The following IQSEC1 variants were observed in gnomAD, a reference collection of about 807,000 sequenced individuals.
The protein encoded by IQSEC1 is IQ motif and SEC7 domain-containing protein 1.
IQSEC1 carries 31 observed loss-of-function variants against 91.0 expected under a neutral mutation model. The ratio of observed to expected loss-of-function variants is 0.34; its 90% CI spans 0.26 to 0.46. The LOEUF (loss-of-function observed/expected upper bound fraction) is 0.46. Among genes scored for constraint, IQSEC1 ranks in the 20% least tolerant of loss-of-function variants. IQSEC1 has a pLI of 1.00. For synonymous variants in IQSEC1, 699 were observed against 662.6 expected (o/e 1.05, Z -0.84); for missense variants, 1,388 against 1,575.6 (o/e 0.88, Z 2.02).
intron 2 of IQSEC1, among the ~76,000 whole-genome samples, chr3:13,106,909 C>T (rs1490802576): frequency 6.6e-6 from 1 of 152,246 alleles, no homozygotes; most frequent in Non-Finnish European, 1.5e-5. Flanking sequence ...AGAGACACCA[C>T]ATGCCAGCTC....
At chr3:13,171,978 C>T (rs144899363) in intron 1 of IQSEC1, among the ~76,000 whole-genome samples, 1 of 152,266 alleles carries the variant, frequency 6.6e-6, no homozygotes, top group East Asian at 1.9e-4. Flanking sequence ...CAAAACACAT[C>T]CACACTCCCC....
chr3:12,987,216 TG>T (rs1408608234), intron 1 of IQSEC1, among the ~76,000 whole-genome samples: 1 of 152,246 alleles, frequency 6.6e-6, no homozygotes, highest in East Asian at 1.9e-4. Flanking sequence ...CTGGTCCTGC[TG>T]GGGGCGGGGA....
At chr3:13,276,880 T>C (rs774244866) in intron 1 of IQSEC1, among the ~76,000 whole-genome samples, 2 of 151,934 alleles carry the variant, frequency 1.3e-5, no homozygotes, top group Non-Finnish European at 2.9e-5. Flanking sequence ...CTGCCCTGGG[T>C]GGGGGCAGCA....
intron 2 of IQSEC1, among the ~76,000 whole-genome samples, chr3:13,109,002 G>A (rs563492937): frequency 1.3e-5 from 2 of 152,322 alleles, no homozygotes; most frequent in East Asian, 1.9e-4. Flanking sequence ...TGGTCAATGC[G>A]TCCTGGGGCC....
At chr3:13,061,363 C>A (rs1295446279) in intron 1 of IQSEC1, among the ~76,000 whole-genome samples, 1 of 152,180 alleles carries the variant, frequency 6.6e-6, no homozygotes, top group African/African-American at 2.4e-5. Context: ...ATGTAACATA[C>A]AATGCCCTAG....
chr3:13,037,084 C>G (rs1343615987), intron 1 of IQSEC1, among the ~76,000 whole-genome samples: 1 of 152,164 alleles, frequency 6.6e-6, no homozygotes, highest in Non-Finnish European at 1.5e-5. Context: ...TGCCCCCACA[C>G]CATTTACATG....
chr3:13,094,760 C>G lies in IQSEC1; in HGVS notation c.303-47238G>C, dbSNP rs566373861. On this transcript the variant is annotated intron_variant, in intron 2 of 15. Coordinates refer to the IQSEC1 transcript ENST00000648114. ...GACAGGCTCCAGCAGCCACGAGCTCCGGGATCTTCTCCCACTGAGCACGGT... is the reference window on the plus strand; with the variant it reads ...GACAGGCTCCAGCAGCCACGAGCTCGGGGATCTTCTCCCACTGAGCACGGT... Among the ~76,000 whole-genome samples, 3 of 152,310 alleles carry G rather than the reference C, an allele frequency of 2.0e-5. No homozygotes were observed. In the East Asian group the frequency reaches 5.8e-4, roughly 29 times the overall value.
At chr3:12,903,981 G>A (rs1221110060) in intron 12 of IQSEC1, among the ~76,000 whole-genome samples, 1 of 151,794 alleles carries the variant, frequency 6.6e-6, no homozygotes, top group Non-Finnish European at 1.5e-5. Context: ...ACTTGGCCAT[G>A]CTGCCTTCAG....
Position 12,915,131 on chromosome 3 carries a change from G to A in IQSEC1, c.2163C>T (p.Ile721=), listed in dbSNP as rs1382643965. The change falls in exon 8 of 14, where the codon ATC becomes ATT. Residue 721 remains isoleucine, a splice_region_variant and synonymous_variant. Transcript: ENST00000613206. ...AGCCGAGCCCGGGATGCAGGGATCC[G>A]ATCTGCGGGAGAATGTGAAACCAAC... ...VEKLIVGKKP[I]GSLHPGLGCV... The A allele has an allele frequency of 3.1e-6, 5 of 1,608,998 alleles. No individual in the cohort carries two copies. Among genetic ancestry groups the A allele is most frequent in the South Asian group, 1.1e-5 (1 of 90,250 alleles).
intron 2 of IQSEC1, among the ~76,000 whole-genome samples, chr3:13,120,002 CTCT>C (rs1706398078): frequency 1.3e-5 from 2 of 152,208 alleles, no homozygotes; most frequent in Non-Finnish European, 2.9e-5. Context: ...CCAGAGAGAG[CTCT>C]CTGCTCGCCT....
rs536704440 is a variant in IQSEC1 at position 13,053,145 on chromosome 3, A to G, written c.23+19847T>C. ...CATGGCGAGAAGCGGACTCAAGCAC[A>G]CACCACGATGATGGAGAAAGGAAGA... On this transcript the variant is annotated intron_variant, in intron 1 of 13. Coordinates refer to ENST00000613206, the MANE Select transcript of IQSEC1 (RefSeq NM_001134382.3). 33 of 777,140 alleles carry G rather than the reference A, an allele frequency of 4.2e-5. 2 individuals carry two copies. In the South Asian group the frequency reaches 4.4e-4, roughly 10 times the overall value. The allele number at this position is 777,140 out of a possible 1,614,324, so 48.1% of individuals were successfully genotyped here. A position where few individuals can be genotyped will look rare whatever the true frequency, so the allele number is the denominator to read the frequency against.
intron 2 of IQSEC1, among the ~76,000 whole-genome samples, chr3:13,112,588 C>T (rs185422487): frequency 7.6e-6 from 1 of 130,988 alleles, no homozygotes; most frequent in Non-Finnish European, 1.5e-5. Flanking sequence ...TGCGTGCTGG[C>T]CCCCAGGCAC....
chr3:12,941,896 G>T (rs1436207898), intron 1 of IQSEC1, 31 bp from the exon 2 acceptor site: 1 of 1,541,338 alleles, frequency 6.5e-7, no homozygotes, highest in South Asian at 1.2e-5. Flanking sequence ...AGAAGCTTCT[G>T]GTAAGCGGGA....
intron 2 of IQSEC1, among the ~76,000 whole-genome samples, chr3:13,093,995 C>T (rs1231312623): frequency 6.6e-6 from 1 of 152,218 alleles, no homozygotes; most frequent in Non-Finnish European, 1.5e-5. Context: ...AAAGAGACCT[C>T]TTCCGGCTGG....
intron 1 of IQSEC1, among the ~76,000 whole-genome samples, chr3:13,262,372 C>A (rs750110077): frequency 1.3e-5 from 2 of 152,196 alleles, no homozygotes; most frequent in Non-Finnish European, 2.9e-5. Context: ...AGGGTAGGAG[C>A]CAGCACACTG....
chr3:13,130,173 G>A (rs189875693), intron 2 of IQSEC1, among the ~76,000 whole-genome samples: 5 of 150,460 alleles, frequency 3.3e-5, no homozygotes, highest in Admixed American at 6.6e-5. Context: ...GTGAAACCCC[G>A]CCTCTACTAA....
At chr3:13,128,016 A>C (rs1027956329) in intron 2 of IQSEC1, among the ~76,000 whole-genome samples, 9 of 152,170 alleles carry the variant, frequency 5.9e-5, no homozygotes, top group African/African-American at 2.2e-4. Flanking sequence ...CTGATCACAA[A>C]TCCTGCTATT....
chr3:12,950,114 A>G (rs1699444159), intron 1 of IQSEC1, among the ~76,000 whole-genome samples: 1 of 152,240 alleles, frequency 6.6e-6, no homozygotes, highest in African/African-American at 2.4e-5. Context: ...TCACCCCTGC[A>G]ACAAGCCTGT....
chr3:13,174,796 C>T (rs913824169), intron 1 of IQSEC1, among the ~76,000 whole-genome samples: 1 of 152,006 alleles, frequency 6.6e-6, no homozygotes, highest in East Asian at 1.9e-4. Context: ...GTCAAGCCAG[C>T]ATCACCTGGG....
Sources: gnomAD v4.1 joint callset for allele counts (sites outside exome capture counted in the v4.1 genomes callset) on GRCh38, gnomAD v4.1.1 for gene constraint, MANE v1.5 for transcripts, NCBI Gene and HGNC (gene_info 2026-07-23, HGNC 2026-07-21) for gene names.